Variants in RAB6A observed in about 807,000 individuals in gnomAD.
RAB6A encodes RAB6A, member RAS oncogene family, also known as ras-related protein Rab-6A.
A neutral mutation model predicts 32.3 loss-of-function variants in RAB6A; 8 were observed. The observed-to-expected ratio is 0.25, with a 90% CI of 0.15 to 0.45. RAB6A has a LOEUF of 0.45. RAB6A is among the 20% of genes least tolerant of loss of function. RAB6A has a pLI of 1.00. For missense variants in RAB6A, 104 were observed against 249.4 expected (o/e 0.42, Z 3.93); for synonymous variants, 73 against 82.1 (o/e 0.89, Z 0.60).
chr11:73,753,147 G>A (rs1027422916), intron 1 of RAB6A, among the ~76,000 whole-genome samples: 3 of 152,116 alleles, frequency 2.0e-5, no homozygotes, highest in Admixed American at 6.5e-5. Flanking sequence ...CAGCTCCAGA[G>A]GCTGAGGTGG....
At chr11:73,735,952 A>G (rs966990831) in intron 1 of RAB6A, among the ~76,000 whole-genome samples, 4 of 147,534 alleles carry the variant, frequency 2.7e-5, no homozygotes, top group East Asian at 4.0e-4. Flanking sequence ...AGAGAGAGAC[A>G]GAGAGAGATA....
chr11:73,756,430 G>A (rs1038086799), intron 1 of RAB6A, among the ~76,000 whole-genome samples: 1 of 152,060 alleles, frequency 6.6e-6, no homozygotes, highest in Admixed American at 6.5e-5. Flanking sequence ...ATTGCAATTT[G>A]ATCAGCATTG....
At chr11:73,692,735 G>T (rs1945591095) in intron 6 of RAB6A, among the ~76,000 whole-genome samples, 1 of 138,352 alleles carries the variant, frequency 7.2e-6, no homozygotes, top group African/African-American at 2.7e-5. Flanking sequence ...ACAAGTTCAG[G>T]AGATCAAGAC....
At chr11:73,731,684 T>TTG (rs1555064991) in intron 1 of RAB6A, among the ~76,000 whole-genome samples, 1 of 14,526 alleles carries the variant, frequency 6.9e-5, no homozygotes, top group African/African-American at 1.9e-4. Context: ...TAGATAGATA[T>TTG]TATATATATA....
intron 2 of RAB6A, among the ~76,000 whole-genome samples, chr11:73,727,528 T>C (rs1946241004): frequency 6.6e-6 from 1 of 152,144 alleles, no homozygotes; most frequent in African/African-American, 2.4e-5. Context: ...ATATGGATTC[T>C]GAAAAATTTA....
intron 1 of RAB6A, among the ~76,000 whole-genome samples, chr11:73,731,805 G>A (rs1249306929): frequency 6.8e-6 from 1 of 146,204 alleles, no homozygotes; most frequent in South Asian, 2.2e-4. Context: ...ACAGCGGGAA[G>A]ATCTCGGCTC....
chr11:73,723,691 AAAG>A (rs1352211475), intron 2 of RAB6A, among the ~76,000 whole-genome samples: 1 of 152,204 alleles, frequency 6.6e-6, no homozygotes, highest in Non-Finnish European at 1.5e-5. Flanking sequence ...TCCTGTGGTA[AAAG>A]AATAAAAAGC....
intron 6 of RAB6A, among the ~76,000 whole-genome samples, chr11:73,704,747 A>G (rs1267928295): frequency 1.3e-5 from 2 of 151,872 alleles, no homozygotes; most frequent in Non-Finnish European, 2.9e-5. Context: ...CTGTAATCCC[A>G]GCACTTTGGG....
intron 1 of RAB6A, among the ~76,000 whole-genome samples, chr11:73,748,851 G>A (rs1171637123): frequency 3.3e-5 from 5 of 152,112 alleles, no homozygotes; most frequent in Non-Finnish European, 5.9e-5. Context: ...TAGGCTGGGC[G>A]CGGTGGCTTA....
At chr11:73,754,197 A>C (rs1052746073) in intron 1 of RAB6A, among the ~76,000 whole-genome samples, 4 of 152,198 alleles carry the variant, frequency 2.6e-5, no homozygotes, top group African/African-American at 9.7e-5. Context: ...TAGTGCTCTA[A>C]ATCATTAACT....
At position 73,753,637 on chromosome 11, in the gene RAB6A, G is replaced by A. The variant is rs112975295; in HGVS notation, c.70+6929C>T. 3.6e-3 allele frequency among the ~76,000 whole-genome samples: 551 copies of A among 152,072 alleles called. 3 individuals are homozygous for A. Among genetic ancestry groups the A allele is most frequent in the African/African-American group, 0.013 (523 of 41,514 alleles). The stretch of plus-strand genomic sequence containing the variant: ...GAGGCAGGAGAATGGCATGAACCCG[G>A]GAGGCAGAGCTTGCAGTGAGCCGAG... On this transcript the variant is annotated intron_variant, in intron 1 of 7. Coordinates refer to ENST00000336083, the MANE Select transcript of RAB6A (RefSeq NM_198896.2).
chr11:73,730,438 C>T, intron 2 of RAB6A: 1 of 199,474 alleles, frequency 5.0e-6, no homozygotes. Context: ...TTCATTTATT[C>T]TTAATTTCAA....
intron 1 of RAB6A, among the ~76,000 whole-genome samples, chr11:73,744,621 A>C (rs1590886754): frequency 6.6e-6 from 1 of 152,072 alleles, no homozygotes; most frequent in South Asian, 2.1e-4. Context: ...TTGTATCATA[A>C]GGACAAAAAG....
intron 6 of RAB6A, among the ~76,000 whole-genome samples, chr11:73,693,648 G>GC (rs1482326994): frequency 1.3e-5 from 2 of 151,202 alleles, no homozygotes; most frequent in Non-Finnish European, 2.9e-5. Context: ...TACTTTGGGA[G>GC]CCCAAGGCAG....
intron 6 of RAB6A, among the ~76,000 whole-genome samples, chr11:73,689,845 G>A (rs1247422948): frequency 7.3e-6 from 1 of 137,816 alleles, no homozygotes; most frequent in African/African-American, 2.7e-5. Context: ...GCAGTGAGTG[G>A]ACATTGCAAC....
chr11:73,695,618 A>C (rs1324600255), intron 6 of RAB6A, among the ~76,000 whole-genome samples: 1 of 152,046 alleles, frequency 6.6e-6, no homozygotes, highest in African/African-American at 2.4e-5. Flanking sequence ...CTGACCTGAT[A>C]ATCTGCCCAC....
intron 7 of RAB6A, among the ~76,000 whole-genome samples, chr11:73,679,034 G>GT (rs931990580): frequency 6.6e-5 from 10 of 152,144 alleles, no homozygotes; most frequent in African/African-American, 1.2e-4. Flanking sequence ...CCTGTTTTAT[G>GT]TTTTTTATGA....
chr11:73,682,598 G>A (rs1485703440), intron 6 of RAB6A, among the ~76,000 whole-genome samples: 1 of 152,152 alleles, frequency 6.6e-6, no homozygotes, highest in Non-Finnish European at 1.5e-5. Flanking sequence ...GGGAGGTGGA[G>A]GATGCAGTGA....
In RAB6A at chr11:73,714,486, C is replaced by T. The variant is rs191475585; in HGVS notation, c.401+1765G>A. ...ACCAGCCTGGCCAACATAGTGAAAC[C>T]TCGTCTCTACTAAAAATACAAAAAA... On this transcript the variant is annotated intron_variant, in intron 5 of 7. Coordinates refer to ENST00000336083, the MANE Select transcript of RAB6A (RefSeq NM_198896.2). Among the ~76,000 whole-genome samples, 1,378 of 151,270 alleles carry T rather than the reference C, an allele frequency of 9.1e-3. 16 individuals carry two copies. Among genetic ancestry groups the T allele is most frequent in the Middle Eastern group, 0.034 (10 of 290 alleles).
Sources: allele counts gnomAD v4.1 joint callset (sites outside exome capture counted in the v4.1 genomes callset), GRCh38; gene constraint gnomAD v4.1.1; transcripts MANE v1.5; gene names NCBI Gene and HGNC (gene_info 2026-07-23, HGNC 2026-07-21).